Variants in TRIT1 observed in about 807,000 individuals in gnomAD.
TRIT1 encodes the protein tRNA dimethylallyltransferase.
Under a neutral mutation model 51.2 loss-of-function variants are expected in TRIT1, and 43 were observed. The ratio of observed to expected loss-of-function variants is 0.84; its 90% CI spans 0.66 to 1.08. The LOEUF (loss-of-function observed/expected upper bound fraction) is 1.08, where lower values mean the gene tolerates loss of function less well. TRIT1 is among the 50% of genes least tolerant of loss of function. The pLI, the probability that TRIT1 is intolerant of heterozygous loss-of-function variation, is 0.00. For synonymous variants in TRIT1, 184 were observed against 203.9 expected (o/e 0.90, Z 0.83); for missense variants, 528 against 578.4 (o/e 0.91, Z 0.89).
At chr1:39,855,152 G>A (rs556017186) in intron 2 of TRIT1, among the ~76,000 whole-genome samples, 26 of 152,242 alleles carry the variant, frequency 1.7e-4, no homozygotes, top group African/African-American at 5.8e-4. Flanking sequence ...GTGCCTGGCC[G>A]AAAATAACTT....
At position 39,849,111 on chromosome 1, in the gene TRIT1, T is replaced by C. The variant is rs72939720; in HGVS notation, c.703+1008A>G. ...GTGATTTATTGGCCTACAGCAACAG[T>C]AACCTTCCTAGAAAGTTTGCATTTA... On this transcript the variant is annotated intron_variant, in intron 5 of 10. Coordinates refer to ENST00000316891, the MANE Select transcript of TRIT1 (RefSeq NM_017646.6). 8.8e-3 allele frequency among the ~76,000 whole-genome samples: 1,335 copies of C among 152,328 alleles called. 32 individuals carry two copies. The highest frequency in any genetic ancestry group is 0.03 in the African/African-American group (1,257 of 41,580).
At chr1:39,858,113 A>T (rs1392735210) in intron 1 of TRIT1, among the ~76,000 whole-genome samples, 1 of 152,246 alleles carries the variant, frequency 6.6e-6, no homozygotes, top group Non-Finnish European at 1.5e-5. Flanking sequence ...AAGGTCTCCA[A>T]GAACAGATCT....
chr1:39,855,826 C>T (rs551159071), intron 2 of TRIT1, among the ~76,000 whole-genome samples: 88 of 152,264 alleles, frequency 5.8e-4, no homozygotes, highest in African/African-American at 1.9e-3. Flanking sequence ...TGATATTGAG[C>T]AAACACCCTT....
chr1:39,852,936 C>A, intron 3 of TRIT1, 60 bp from the exon 4 acceptor site: 1 of 1,553,544 alleles, frequency 6.4e-7, no homozygotes, highest in Non-Finnish European at 8.8e-7. Flanking sequence ...AGTGTATGTG[C>A]CAGGCACTTT....
chr1:39,875,763 A>T (rs1156298176), intron 1 of TRIT1, among the ~76,000 whole-genome samples: 1 of 152,148 alleles, frequency 6.6e-6, no homozygotes, highest in Non-Finnish European at 1.5e-5. Flanking sequence ...GTACAGAGGA[A>T]AAGAATGGGA....
intron 1 of TRIT1, among the ~76,000 whole-genome samples, chr1:39,864,257 T>C (rs2124642059): frequency 6.6e-6 from 1 of 152,024 alleles, no homozygotes; most frequent in African/African-American, 2.4e-5. Flanking sequence ...AGGCCAAGGA[T>C]GCTGCTACAC....
intron 8 of TRIT1, among the ~76,000 whole-genome samples, chr1:39,846,766 T>A (rs1432645606): frequency 1.3e-5 from 2 of 152,204 alleles, no homozygotes; most frequent in Non-Finnish European, 2.9e-5. Flanking sequence ...AACTAAAGTT[T>A]CATTTGAAGC....
chr1:39,848,910 G>A (rs775726214), intron 5 of TRIT1, among the ~76,000 whole-genome samples: 24 of 151,738 alleles, frequency 1.6e-4, no homozygotes, highest in Admixed American at 1.2e-3. Flanking sequence ...TTGTTCAGAT[G>A]TGACAAACAG....
chr1:39,844,699 C>A, intron 8 of TRIT1, 59 bp from the exon 9 acceptor site: 2 of 1,235,628 alleles, frequency 1.6e-6, no homozygotes, highest in Non-Finnish European at 2.4e-6. Context: ...TATTCTGCAG[C>A]CAGGACTCTG....
At chr1:39,860,088 C>G (rs1643150548) in intron 1 of TRIT1, among the ~76,000 whole-genome samples, 1 of 152,138 alleles carries the variant, frequency 6.6e-6, no homozygotes. Context: ...AGGAAGTGGC[C>G]TATGGTACTG....
intron 1 of TRIT1, among the ~76,000 whole-genome samples, chr1:39,872,981 G>T (rs141165086): frequency 1.4e-3 from 211 of 152,316 alleles, no homozygotes; most frequent in African/African-American, 4.9e-3. Flanking sequence ...TGCATAGCCT[G>T]AGGGTATCTC....
At chr1:39,869,150 A>AAG (rs1643726033) in intron 1 of TRIT1, among the ~76,000 whole-genome samples, 2 of 146,944 alleles carry the variant, frequency 1.4e-5, no homozygotes, top group Admixed American at 1.4e-4. Flanking sequence ...CCTCTGATGC[A>AAG]GACTGGAGGC....
chr1:39,879,051 C>T (rs1173143224), intron 1 of TRIT1, among the ~76,000 whole-genome samples: 6 of 152,062 alleles, frequency 3.9e-5, no homozygotes, highest in East Asian at 1.9e-4. Flanking sequence ...TGGCGGATCC[C>T]GAGGTCAAGA....
chr1:39,855,077 C>T (rs1642818472), intron 2 of TRIT1, among the ~76,000 whole-genome samples: 1 of 152,180 alleles, frequency 6.6e-6, no homozygotes, highest in Non-Finnish European at 1.5e-5. Flanking sequence ...ATCTTGAACT[C>T]CTGAGCTCAA....
rs773757870 is a variant in TRIT1 at position 39,883,425 on chromosome 1, G to A, written c.67C>T (p.Leu23=). Residue 23 remains leucine, a synonymous_variant, in exon 1 of 11, where the codon CTA becomes TTA. Coordinates refer to ENST00000316891, the MANE Select transcript of TRIT1 (RefSeq NM_017646.6). ...GSGLRGLQRT[L]PLVVILGATG... ...GCCCCGAGAATCACTACAAGAGGTA[G>A]GGTCCGTTGCAGGCCCCTGAGCCCA... The A allele has an allele frequency of 9.9e-6, 16 of 1,613,720 alleles. No homozygotes were observed. Among genetic ancestry groups the A allele is most frequent in the South Asian group, 8.8e-5 (8 of 91,068 alleles).
intron 2 of TRIT1, among the ~76,000 whole-genome samples, chr1:39,856,487 G>GAAAA (rs61518870): frequency 9.2e-6 from 1 of 108,714 alleles, no homozygotes. Context: ...GTCTCTAGGA[G>GAAAA]AAAAAAAAAA....
chr1:39,841,080 C>T lies in TRIT1; in HGVS notation c.*664G>A, dbSNP rs975597151. ...GTAAATTTTTTCTTTATTTAAACTT[C>T]AATAAAAATATAGATTTGTAACTCA... On this transcript the variant is annotated 3_prime_UTR_variant, in exon 11 of 11. Coordinates refer to ENST00000316891, the MANE Select transcript of TRIT1 (RefSeq NM_017646.6). The T allele has an allele frequency of 2.6e-5, 4 of 152,218 alleles. No homozygotes were observed. The highest frequency in any genetic ancestry group is 7.2e-5 in the African/African-American group (3 of 41,534). The allele number at this position is 152,218 out of a possible 1,614,324, so 9.4% of individuals were successfully genotyped here. A position where few individuals can be genotyped will look rare whatever the true frequency, so the allele number is the denominator to read the frequency against.
chr1:39,871,118 G>A (rs1036336706), intron 1 of TRIT1, among the ~76,000 whole-genome samples: 6 of 152,042 alleles, frequency 3.9e-5, no homozygotes, highest in Admixed American at 6.6e-5. Flanking sequence ...ATTTGAACCC[G>A]GGAGGCGGAG....
intron 1 of TRIT1, among the ~76,000 whole-genome samples, chr1:39,861,893 C>T (rs2124635757): frequency 6.9e-6 from 1 of 145,512 alleles, no homozygotes; most frequent in South Asian, 2.1e-4. Context: ...CACTGCGCTC[C>T]AGCCTGGGCA....
Sources: allele counts gnomAD v4.1 joint callset (sites outside exome capture counted in the v4.1 genomes callset), GRCh38; gene constraint gnomAD v4.1.1; transcripts MANE v1.5; gene names NCBI Gene and HGNC (gene_info 2026-07-23, HGNC 2026-07-21).